Variants in NUP133 observed in about 807,000 individuals in gnomAD.
The protein encoded by NUP133 is nucleoporin 133, also known as nuclear pore complex protein Nup133.
In NUP133, 66 loss-of-function variants were observed where a neutral mutation model predicts 146.2. The ratio of observed to expected loss-of-function variants is 0.45; its 90% CI spans 0.37 to 0.55. The LOEUF is 0.55. Among genes scored for constraint, NUP133 ranks in the 20% least tolerant of loss-of-function variants. The pLI is 0.00. For synonymous variants in NUP133, 521 were observed against 498.8 expected, an observed-to-expected ratio of 1.04 and a Z score of -0.59; for missense variants, 1,277 against 1,374.8, an observed-to-expected ratio of 0.93 and a Z score of 1.12.
At chr1:229,459,021 C>A (rs1226681639) in intron 20 of NUP133, among the ~76,000 whole-genome samples, 1 of 152,014 alleles carries the variant, frequency 6.6e-6, no homozygotes, top group South Asian at 2.1e-4. Context: ...TTATTGTATA[C>A]TAATGAATTA....
At chr1:229,492,155 G>GCAGTGC (rs1454015443) in intron 8 of NUP133, among the ~76,000 whole-genome samples, 3 of 149,388 alleles carry the variant, frequency 2.0e-5, no homozygotes, top group African/African-American at 7.4e-5. Flanking sequence ...TGCCCAGGCT[G>GCAGTGC]CAGTGCCGGG....
intron 13 of NUP133, 92 bp from the exon 14 acceptor site, chr1:229,475,824 C>T: frequency 1.8e-6 from 2 of 1,092,642 alleles, no homozygotes; most frequent in Non-Finnish European, 2.8e-6. Flanking sequence ...AAATAAAAAG[C>T]TAAGGCTAGG....
At chr1:229,484,564 G>A (rs2102773020) in intron 11 of NUP133, among the ~76,000 whole-genome samples, 1 of 152,232 alleles carries the variant, frequency 6.6e-6, no homozygotes, top group South Asian at 2.1e-4. Flanking sequence ...AAAGGTACAG[G>A]TAATTCAGGG....
intron 5 of NUP133, 106 bp downstream of exon 5, chr1:229,499,578 G>A: frequency 8.2e-7 from 1 of 1,219,410 alleles, no homozygotes; most frequent in Non-Finnish European, 1.1e-6. Flanking sequence ...AGAATTGCCT[G>A]GGCAACATAA....
At chr1:229,460,486 A>G (rs925422758) in intron 20 of NUP133, 125 bp downstream of exon 20, 1 of 924,718 alleles carries the variant, frequency 1.1e-6, no homozygotes, top group Non-Finnish European at 1.6e-6. Context: ...TCCCTTATAT[A>G]TTTTGGATAG....
Position 229,441,485 on chromosome 1 carries a change from A to C in NUP133, c.*419T>G. The C allele has an allele frequency of 7.5e-6, 4 of 530,308 alleles. No individual in the cohort carries two copies. Among genetic ancestry groups the C allele is most frequent in the South Asian group, 5.7e-5 (4 of 70,588 alleles). The allele number at this position is 530,308 out of a possible 1,614,324, so 32.9% of individuals were successfully genotyped here. A position where few individuals can be genotyped will look rare whatever the true frequency, so the allele number is the denominator to read the frequency against. ...TTAGCCCTAACTGAAACAGATATCA[A>C]ACACCCTAGATTCTCTTCAGTGCAA... On this transcript the variant is annotated 3_prime_UTR_variant, in exon 26 of 26. Transcript: ENST00000261396.
At position 229,449,125 on chromosome 1, in the gene NUP133, CTTAT is replaced by C. The variant is rs747982556; in HGVS notation, c.3242_3245del (p.Asp1081AlafsTer21). 6.2e-7 allele frequency: 1 copy of C among 1,610,108 alleles called. No individual in the cohort carries two copies. The highest frequency in any genetic ancestry group is 8.5e-7 in the Non-Finnish European group (1 of 1,176,474). ...AAAGAAGCAATGCCACGAGCACTTA[CTTAT>C]CTCTCTGAAGAGCTTTGCAAAGGAT... On this transcript the variant is annotated frameshift_variant and splice_region_variant, in exon 24 of 26. Transcript: ENST00000261396. LOFTEE classifies it high-confidence loss of function.
At position 229,489,956 on chromosome 1, in the gene NUP133, T is replaced by A. The variant is rs367568085; in HGVS notation, c.1193A>T (p.Gln398Leu). The A allele has an allele frequency of 6.3e-7, 1 of 1,583,824 alleles. No individual in the cohort carries two copies. Among genetic ancestry groups the A allele is most frequent in the Non-Finnish European group, 8.6e-7 (1 of 1,164,412 alleles). The change falls in exon 9 of 26, where the codon CAG becomes CTG. Residue 398 changes from glutamine to leucine, a missense_variant and splice_region_variant. Around this residue, in one of 3 missense-constraint regions of NUP133, gnomAD observed 952 missense variants for 1,047.0 expected, o/e 0.91. Transcript: ENST00000261396. Reference sequence around the variant, plus strand: ...TAATTTAACCAATATAAATCTTACCTGAAAAGGTGGATTATATTGAGTGAC... The same window carrying A: ...TAATTTAACCAATATAAATCTTACCAGAAAAGGTGGATTATATTGAGTGAC... ...VEVTQYNPPF[Q>L]SEDLILCQLT...
chr1:229,488,227 A>G (rs1475552508), intron 9 of NUP133, among the ~76,000 whole-genome samples: 1 of 152,198 alleles, frequency 6.6e-6, no homozygotes, highest in Non-Finnish European at 1.5e-5. Context: ...TGATAAATTC[A>G]AAGGAGAAAA....
chr1:229,501,918 G>C, intron 3 of NUP133, 81 bp downstream of exon 3: 1 of 1,016,666 alleles, frequency 9.8e-7, no homozygotes, highest in Non-Finnish European at 1.5e-6. Context: ...TCCTCCAACT[G>C]TAAAAAAATT....
At chr1:229,504,678 G>A (rs143602972) in intron 2 of NUP133, among the ~76,000 whole-genome samples, 8 of 152,210 alleles carry the variant, frequency 5.3e-5, no homozygotes, top group East Asian at 3.9e-4. Flanking sequence ...GGGGTTTCAC[G>A]GGAAACTTCA....
chr1:229,495,655 A>T, intron 7 of NUP133, 90 bp from the exon 8 acceptor site: 1 of 1,019,560 alleles, frequency 9.8e-7, no homozygotes, highest in Non-Finnish European at 1.5e-6. Context: ...GAAGTGCTTC[A>T]CCCATAACTC....
At chr1:229,459,683 T>G (rs1660649876) in intron 20 of NUP133, among the ~76,000 whole-genome samples, 1 of 152,232 alleles carries the variant, frequency 6.6e-6, no homozygotes, top group African/African-American at 2.4e-5. Context: ...CTGTTGCAAA[T>G]GAGAGAATTT....
intron 12 of NUP133, among the ~76,000 whole-genome samples, chr1:229,477,975 CAT>C: frequency 6.6e-6 from 1 of 152,054 alleles, no homozygotes; most frequent in Non-Finnish European, 1.5e-5. Flanking sequence ...ATTTAGTGTA[CAT>C]TTTAAAGTAA....
Position 229,477,629 on chromosome 1 carries a change from G to T in NUP133, c.1724C>A (p.Ser575Tyr), listed in dbSNP as rs1391840707. The T allele has an allele frequency of 1.2e-6, 2 of 1,613,598 alleles. No individual in the cohort carries two copies. Among genetic ancestry groups the T allele is most frequent in the African/African-American group, 2.7e-5 (2 of 74,866 alleles). The change falls in exon 13 of 26, where the codon TCT becomes TAT. Residue 575 changes from serine to tyrosine, a missense_variant. This residue lies in a region of NUP133 where 952 missense variants were observed against 1,047.0 expected (regional missense o/e 0.91). Coordinates refer to ENST00000261396, the MANE Select transcript of NUP133 (RefSeq NM_018230.3). ...SVDLMDDYPA[S>Y]DPRWAESVPE... ...GACAGACTCAGCCCACCGTGGGTCA[G>T]ATGCTGGGTAGTCATCCATCAGGTC...
At chr1:229,490,333 A>G (rs752057155) in intron 8 of NUP133, among the ~76,000 whole-genome samples, 1 of 152,040 alleles carries the variant, frequency 6.6e-6, no homozygotes, top group African/African-American at 2.4e-5. Context: ...AAACAACCCA[A>G]TGTCTTCCAA....
intron 24 of NUP133, among the ~76,000 whole-genome samples, chr1:229,448,089 AC>A (rs1312667233): frequency 2.0e-5 from 3 of 152,240 alleles, no homozygotes; most frequent in Non-Finnish European, 1.5e-5. Context: ...ACAATAGTTT[AC>A]AAAGACTGTG....
At chr1:229,447,289 T>A (rs1660322334) in intron 24 of NUP133, among the ~76,000 whole-genome samples, 1 of 152,202 alleles carries the variant, frequency 6.6e-6, no homozygotes, top group Non-Finnish European at 1.5e-5. Context: ...TAAATATTAC[T>A]AATGTAACCA....
intron 6 of NUP133, 132 bp from the exon 7 acceptor site, chr1:229,496,179 A>G (rs572768493): frequency 1.6e-4 from 116 of 746,260 alleles, no homozygotes; most frequent in Non-Finnish European, 2.3e-4. Flanking sequence ...ATTTAAAGAA[A>G]GTAGTGATCC....
Sources: allele counts gnomAD v4.1 joint callset (sites outside exome capture counted in the v4.1 genomes callset), GRCh38; gene constraint gnomAD v4.1.1; regional missense constraint gnomAD v4.1.1; transcripts MANE v1.5; gene names NCBI Gene and HGNC (gene_info 2026-07-23, HGNC 2026-07-21).